ADAM12: variants seen among roughly 807,000 people sequenced by gnomAD.
ADAM12 encodes the protein disintegrin and metalloproteinase domain-containing protein 12.
Under a neutral mutation model 106.4 loss-of-function variants are expected in ADAM12, and 70 were observed. The observed-to-expected ratio is 0.66, with a 90% CI of 0.54 to 0.80. ADAM12 has a LOEUF of 0.80. ADAM12 is among the 30% of genes least tolerant of loss of function. The probability of loss-of-function intolerance (pLI) is 0.00; values close to 1 mark genes in which losing one functional copy is unlikely to be tolerated. For synonymous variants in ADAM12, 420 were observed against 433.5 expected (o/e 0.97, Z 0.39); for missense variants, 1,010 against 1,171.9 (o/e 0.86, Z 2.02).
Position 126,272,326 on chromosome 10 carries a change from A to G in ADAM12, c.260+6589T>C, listed in dbSNP as rs961118246. On this transcript the variant is annotated intron_variant, in intron 3 of 22. Coordinates refer to ENST00000448723, the MANE Select transcript of ADAM12 (RefSeq NM_001288973.2). ...CATCAATAAAGATTAATTAATAAAG[A>G]TAATTAATATGACAGATGATAATCA... Among the ~76,000 whole-genome samples the G allele has an allele frequency of 2.6e-5, 4 of 152,246 alleles. No homozygotes were observed. The East Asian group carries it at 5.8e-4, about 22-fold the overall frequency.
rs139592993 is a variant in ADAM12 at position 126,090,828 on chromosome 10, G to A, written c.1145+3157C>T. ...CAGAGTTAGGATTCTGGAATGTTTT[G>A]ATAAAGAATAAACAAGGTATATGAA... is the stretch of plus-strand genomic sequence containing the variant. On this transcript the variant is annotated intron_variant, in intron 11 of 22. Coordinates refer to ENST00000448723, the MANE Select transcript of ADAM12 (RefSeq NM_001288973.2). 2.1e-3 allele frequency: 323 copies of A among 152,330 alleles called. 2 individuals are homozygous for A. Among genetic ancestry groups the A allele is most frequent in the African/African-American group, 7.5e-3 (310 of 41,586 alleles). 9.4% of individuals were successfully genotyped at this position (152,330 alleles called of 1,614,324 possible). A position where few individuals can be genotyped will look rare whatever the true frequency, so the allele number is the denominator to read the frequency against.
At chr10:126,266,649 G>A (rs1385463573) in intron 3 of ADAM12, among the ~76,000 whole-genome samples, 1 of 152,196 alleles carries the variant, frequency 6.6e-6, no homozygotes, top group Non-Finnish European at 1.5e-5. Flanking sequence ...AAGAAGAAAA[G>A]AGGTTTAATT....
chr10:126,184,040 C>T (rs1031924925), intron 3 of ADAM12, among the ~76,000 whole-genome samples: 5 of 152,092 alleles, frequency 3.3e-5, no homozygotes, highest in African/African-American at 1.2e-4. Flanking sequence ...TATCTAATAA[C>T]GTCATAACTC....
chr10:126,353,553 T>G (rs778528947), intron 1 of ADAM12, among the ~76,000 whole-genome samples: 17 of 152,238 alleles, frequency 1.1e-4, no homozygotes, highest in Non-Finnish European at 2.1e-4. Context: ...GCAAATGCTG[T>G]GTTTACATTA....
intron 3 of ADAM12, among the ~76,000 whole-genome samples, chr10:126,257,317 C>T (rs572376995): frequency 6.6e-6 from 1 of 152,194 alleles, no homozygotes; most frequent in African/African-American, 2.4e-5. Context: ...AGCCCTGGAA[C>T]GTGCACATGG....
At chr10:126,225,993 G>T (rs1216461792) in intron 3 of ADAM12, among the ~76,000 whole-genome samples, 2 of 152,144 alleles carry the variant, frequency 1.3e-5, no homozygotes, top group Non-Finnish European at 2.9e-5. Flanking sequence ...TGGGCATCTG[G>T]GGTTCAACTT....
At chr10:126,238,410 C>T (rs879420898) in intron 3 of ADAM12, among the ~76,000 whole-genome samples, 3 of 152,070 alleles carry the variant, frequency 2.0e-5, no homozygotes, top group East Asian at 1.9e-4. Context: ...ACCCAGGAGG[C>T]GGAGATTGCA....
intron 3 of ADAM12, among the ~76,000 whole-genome samples, chr10:126,224,011 C>G (rs900814022): frequency 2.6e-5 from 4 of 152,200 alleles, no homozygotes; most frequent in African/African-American, 9.7e-5. Flanking sequence ...TGGATTTGAA[C>G]CCGGCACTGT....
At chr10:126,211,331 T>TC (rs1190782867) in intron 3 of ADAM12, among the ~76,000 whole-genome samples, 2 of 152,196 alleles carry the variant, frequency 1.3e-5, no homozygotes, top group Non-Finnish European at 2.9e-5. Flanking sequence ...TACCCCACCC[T>TC]CCCGGGCTCA....
At chr10:126,024,272 C>G (rs116827106) in intron 21 of ADAM12, among the ~76,000 whole-genome samples, 3,184 of 152,242 alleles carry the variant, frequency 0.021, 93 homozygotes, top group African/African-American at 0.069. Flanking sequence ...AATGTAGTGA[C>G]TTTAATGTTT....
chr10:126,119,852 A>G (rs1357698674), intron 5 of ADAM12, among the ~76,000 whole-genome samples: 1 of 152,204 alleles, frequency 6.6e-6, no homozygotes, highest in Non-Finnish European at 1.5e-5. Context: ...CTCGGCCTGC[A>G]GCTTGGTTTT....
chr10:126,304,152 G>A (rs546700159), intron 2 of ADAM12, among the ~76,000 whole-genome samples: 4 of 152,030 alleles, frequency 2.6e-5, no homozygotes, highest in East Asian at 1.9e-4. Context: ...AAGAAAGGCC[G>A]TGCCTCACAC....
chr10:126,207,860 G>C (rs1328745427), intron 3 of ADAM12, among the ~76,000 whole-genome samples: 1 of 152,038 alleles, frequency 6.6e-6, no homozygotes, highest in Admixed American at 6.6e-5. Flanking sequence ...TTGTTGATAA[G>C]ATTACAAAAA....
chr10:126,249,635 C>T (rs931375664), intron 3 of ADAM12, among the ~76,000 whole-genome samples: 1 of 152,004 alleles, frequency 6.6e-6, no homozygotes, highest in Admixed American at 6.6e-5. Flanking sequence ...ACCCGGGAGG[C>T]GGAGCTTGCA....
At chr10:126,338,245 CA>C (rs1386032772) in intron 1 of ADAM12, among the ~76,000 whole-genome samples, 1 of 106,350 alleles carries the variant, frequency 9.4e-6, no homozygotes, top group African/African-American at 3.7e-5. Flanking sequence ...CAGTAACTTA[CA>C]TTTTTTTTTT....
chr10:126,018,789 G>A (rs571555514), intron 22 of ADAM12, among the ~76,000 whole-genome samples: 2 of 152,248 alleles, frequency 1.3e-5, no homozygotes, highest in East Asian at 1.9e-4. Flanking sequence ...GATAAGCTGT[G>A]AAAGGTGATT....
chr10:126,081,272 G>A (rs12571382), intron 11 of ADAM12, among the ~76,000 whole-genome samples: 25,192 of 152,014 alleles, frequency 0.17, 2,668 homozygotes, highest in South Asian at 0.27. Context: ...GCCAGGCAGC[G>A]GCTGAGAACA....
intron 18 of ADAM12, among the ~76,000 whole-genome samples, chr10:126,042,696 C>G (rs1312280273): frequency 4.6e-5 from 7 of 152,174 alleles, no homozygotes; most frequent in Admixed American, 2.6e-4. Flanking sequence ...GTCACCCTAC[C>G]ACACAGATGT....
chr10:126,186,703 G>A (rs1957405995), intron 3 of ADAM12, among the ~76,000 whole-genome samples: 1 of 152,070 alleles, frequency 6.6e-6, no homozygotes, highest in Non-Finnish European at 1.5e-5. Flanking sequence ...CCTTAGGGAG[G>A]GGGCAAGAGG....
Sources: gnomAD v4.1 joint callset for allele counts (sites outside exome capture counted in the v4.1 genomes callset) on GRCh38, gnomAD v4.1.1 for gene constraint, MANE v1.5 for transcripts, NCBI Gene and HGNC (gene_info 2026-07-23, HGNC 2026-07-21) for gene names.